The following LCT variants were observed in gnomAD, a reference collection of about 807,000 sequenced individuals.
LCT encodes lactase.
In LCT, 90 loss-of-function variants were observed where a neutral mutation model predicts 173.0. The observed-to-expected ratio is 0.52, with a 90% CI of 0.44 to 0.62. The LOEUF (loss-of-function observed/expected upper bound fraction) is 0.62. Ranked by LOEUF, LCT falls within the 20% of genes least tolerant of loss-of-function variation. LCT has a pLI of 0.00. For missense variants in LCT, 1,864 were observed against 2,431.4 expected (o/e 0.77, Z 4.91); for synonymous variants, 853 against 957.6 (o/e 0.89, Z 2.02).
At chr2:135,833,281 T>G in intron 1 of LCT, 91 bp from the exon 2 acceptor site, 1 of 890,422 alleles carries the variant, frequency 1.1e-6, no homozygotes, top group Middle Eastern at 2.2e-4. Context: ...CCTATGGACC[T>G]GAAGAAATCA....
chr2:135,807,750 A>ATCTCCATGCATCACAATGGT (rs1004563532), intron 8 of LCT, among the ~76,000 whole-genome samples: 2 of 151,676 alleles, frequency 1.3e-5, no homozygotes, highest in African/African-American at 4.8e-5. Context: ...TGGAGGTTGC[A>ATCTCCATGCATCACAATGGT]GTGAGCCGAG....
chr2:135,830,610 C>T (rs2077929719), intron 2 of LCT, among the ~76,000 whole-genome samples: 1 of 152,190 alleles, frequency 6.6e-6, no homozygotes, highest in Non-Finnish European at 1.5e-5. Context: ...AAGGTCTTCG[C>T]TAAGGTCTGA....
chr2:135,795,015 CCA>C (rs530102634), intron 13 of LCT, among the ~76,000 whole-genome samples: 5 of 136,736 alleles, frequency 3.7e-5, no homozygotes, highest in Non-Finnish European at 6.2e-5. Flanking sequence ...ACCTGAAGGA[CCA>C]CACACACACG....
intron 1 of LCT, among the ~76,000 whole-genome samples, chr2:135,833,690 C>CCCAGG (rs2077960000): frequency 6.6e-6 from 1 of 151,680 alleles, no homozygotes; most frequent in Non-Finnish European, 1.5e-5. Context: ...TCATGATCTG[C>CCCAGG]CCGCCTTGGC....
rs748261189 is a variant in LCT at position 135,808,453 on chromosome 2, C to T, written c.3894G>A (p.Glu1298=). The change falls in exon 8 of 17, where the codon GAG becomes GAA. Residue 1298 remains glutamate (E), a synonymous_variant. Transcript: ENST00000264162. ...TGAACCCTCACACACCTTTCAAAGC[C>T]TCATTGATGTAGGTTTTGTGGTAAA... ...RIFYHKTYIN[E]ALKAYRLDGI... is the part of the protein sequence containing the mutation. 6 of 1,613,178 alleles carry T rather than the reference C, an allele frequency of 3.7e-6. No individual in the cohort carries two copies. The highest frequency in any genetic ancestry group is 5.1e-6 in the Non-Finnish European group (6 of 1,179,240).
Position 135,833,133 on chromosome 2 carries a change from G to T in LCT, c.698C>A (p.Pro233Gln). ...AEDIPELLLE[P>Q]PISALAQDTV... ...CACCTGGGCAAGCGCAGATATGGGT[G>T]GTTCTAGCAGGAGCTCCGGGATATC... Residue 233 changes from proline to glutamine, a missense_variant, in exon 2 of 17, where the codon CCA becomes CAA. By Grantham distance (76) the Pro-to-Gln change is moderately conservative. Transcript: ENST00000264162. 1.2e-6 allele frequency: 2 copies of T among 1,613,944 alleles called. No individual in the cohort carries two copies. Among genetic ancestry groups the T allele is most frequent in the South Asian group, 2.2e-5 (2 of 91,082 alleles).
intron 7 of LCT, among the ~76,000 whole-genome samples, chr2:135,811,149 T>C (rs1022204140): frequency 6.6e-6 from 1 of 152,006 alleles, no homozygotes; most frequent in African/African-American, 2.4e-5. Flanking sequence ...AAGGCTGCAG[T>C]GAGCTCAGAT....
chr2:135,835,042 G>A (rs2077974512), intron 1 of LCT, among the ~76,000 whole-genome samples: 3 of 152,106 alleles, frequency 2.0e-5, no homozygotes, highest in South Asian at 4.1e-4. Flanking sequence ...TTTTCACCTA[G>A]TAGTTTCAAT....
intron 16 of LCT, among the ~76,000 whole-genome samples, chr2:135,789,131 T>A (rs927798057): frequency 2.6e-5 from 4 of 152,240 alleles, no homozygotes; most frequent in African/African-American, 4.8e-5. Flanking sequence ...TCAGCCTGTA[T>A]AATTGAAACT....
chr2:135,804,054 CT>C lies in LCT; in HGVS notation c.4538del (p.Gln1513ArgfsTer18). On this transcript the variant is annotated frameshift_variant, in exon 11 of 17. Transcript: ENST00000264162. LOFTEE classifies it high-confidence loss of function. ...VGGWENETIV[Q>X]RFKEYADVLF... ...GCACATCTGCATACTCCTTAAACCG[CT>C]GCACGATGGTCTCATTCTCCCAGCC... 2 of 1,614,170 alleles carry C rather than the reference CT, an allele frequency of 1.2e-6. No homozygotes were observed. Among genetic ancestry groups the C allele is most frequent in the Non-Finnish European group, 1.7e-6 (2 of 1,180,002 alleles).
chr2:135,832,487 T>A (rs1375945277), intron 2 of LCT, among the ~76,000 whole-genome samples: 1 of 151,600 alleles, frequency 6.6e-6, no homozygotes, highest in Non-Finnish European at 1.5e-5. Context: ...ACGTACATTT[T>A]TAATTTTTTT....
chr2:135,806,035 T>C (rs1215313279), intron 9 of LCT, among the ~76,000 whole-genome samples: 1 of 151,996 alleles, frequency 6.6e-6, no homozygotes, highest in African/African-American at 2.4e-5. Context: ...AAATAAAAAA[T>C]TCATTGGGTG....
Position 135,835,976 on chromosome 2 carries a change from GTATATA to G in LCT, c.640+548_640+553del, listed in dbSNP as rs745860913. On this transcript the variant is annotated intron_variant, in intron 1 of 16. Coordinates refer to ENST00000264162, the MANE Select transcript of LCT (RefSeq NM_002299.4). The stretch of plus-strand genomic sequence containing the variant: ...AGGGGTATTTCAAAAATACATGTGT[GTATATA>G]TATATATATATATATATATATATAT... Among the ~76,000 whole-genome samples, 218 of 80,436 alleles carry G rather than the reference GTATATA, an allele frequency of 2.7e-3. 2 individuals carry two copies. Among genetic ancestry groups the G allele is most frequent in the African/African-American group, 0.013 (200 of 15,018 alleles). The allele number at this position is 80,436 out of a possible 152,430, so 52.8% of individuals were successfully genotyped here.
Position 135,804,903 on chromosome 2 carries a change from C to T in LCT, c.4328G>A (p.Gly1443Asp), listed in dbSNP as rs369611537. 3 of 1,614,024 alleles carry T rather than the reference C, an allele frequency of 1.9e-6. No homozygotes were observed. In the African/African-American group the frequency reaches 4.0e-5, roughly 22 times the overall value. ...AEDLVTLQNL[G>D]VSHYRFSISW... ...GATGGAAAAACGGTAGTGGGACACG[C>T]CCAGGTTCTGCAGGGTGACCAGATC... is the stretch of plus-strand genomic sequence containing the variant. Residue 1443 changes from glycine (G) to aspartate (D), a missense_variant, in exon 10 of 17, where the codon GGC (glycine) becomes GAC (aspartate). By Grantham distance (94) the Gly-to-Asp change is moderately conservative (BLOSUM62 -1). Around this residue, in one of 4 missense-constraint regions of LCT, gnomAD observed 514 missense variants for 750.1 expected, o/e 0.69. Transcript: ENST00000264162.
intron 13 of LCT, among the ~76,000 whole-genome samples, chr2:135,797,312 CTA>C (rs2077589920): frequency 6.6e-6 from 1 of 152,152 alleles, no homozygotes. Flanking sequence ...GACTCAAAGA[CTA>C]TGTTGGGAAT....
In LCT at chr2:135,808,553, C is replaced by A. The variant is rs1469063105; in HGVS notation, c.3794G>T (p.Gly1265Val). 2.0e-5 allele frequency: 33 copies of A among 1,614,078 alleles called. No homozygotes were observed. Among genetic ancestry groups the A allele is most frequent in the Non-Finnish European group, 2.8e-5 (33 of 1,180,044 alleles). The change falls in exon 8 of 17, where the codon GGT becomes GTT. Residue 1265 changes from glycine to valine, a missense_variant. By Grantham distance (109) the Gly-to-Val change is moderately radical. This residue lies in a region of LCT where 755 missense variants were observed against 926.3 expected (regional missense o/e 0.82). Coordinates refer to ENST00000264162, the MANE Select transcript of LCT (RefSeq NM_002299.4). ...TTCGGTGATGTAAATGGGGATGTCA[C>A]CATACTCTTCCTTGATCCAGTTCAG... ...RLLNWIKEEYGDIPIYITENG... is the reference protein window; with the variant it reads ...RLLNWIKEEYVDIPIYITENG...
chr2:135,789,060 A>G (rs2077513409), intron 16 of LCT, among the ~76,000 whole-genome samples: 1 of 152,248 alleles, frequency 6.6e-6, no homozygotes, highest in Non-Finnish European at 1.5e-5. Flanking sequence ...CATGCCAGTC[A>G]TGCTCAAAAA....
chr2:135,810,265 T>G, intron 7 of LCT: 2 of 392,116 alleles, frequency 5.1e-6, no homozygotes. Context: ...GATAAGTTAT[T>G]ACCTCGGACC....
rs1558748577 is a variant in LCT at position 135,835,984 on chromosome 2, ATATATAT to A, written c.640+539_640+545del. Among the ~76,000 whole-genome samples the A allele has an allele frequency of 6.4e-3, 171 of 26,790 alleles. 5 individuals carry two copies. Among genetic ancestry groups the A allele is most frequent in the African/African-American group, 0.01 (135 of 12,960 alleles). The allele number at this position is 26,790 out of a possible 152,430, so 17.6% of individuals were successfully genotyped here. ...TTCAAAAATACATGTGTGTATATAT[ATATATAT>A]ATATATATATATATATATATATATG... On this transcript the variant is annotated intron_variant, in intron 1 of 16. Transcript: ENST00000264162.
Sources: gnomAD v4.1 joint callset for allele counts (sites outside exome capture counted in the v4.1 genomes callset) on GRCh38, gnomAD v4.1.1 for gene constraint, gnomAD v4.1.1 regional missense constraint, MANE v1.5 for transcripts, NCBI Gene and HGNC (gene_info 2026-07-23, HGNC 2026-07-21) for gene names.